Variants in FAM135B observed in about 807,000 individuals in gnomAD.
The protein encoded by FAM135B is protein FAM135B.
FAM135B carries 43 observed loss-of-function variants against 127.7 expected under a neutral mutation model. The observed-to-expected ratio is 0.34, with a 90% CI of 0.26 to 0.43. The LOEUF is 0.43. Ranked by LOEUF, FAM135B falls within the 20% of genes least tolerant of loss-of-function variation. FAM135B has a pLI of 1.00. For missense variants in FAM135B, 1,558 were observed against 1,725.6 expected, an observed-to-expected ratio of 0.90 and a Z score of 1.72; for synonymous variants, 670 against 665.1, an observed-to-expected ratio of 1.01 and a Z score of -0.11.
chr8:138,230,376 A>G (rs1194437280), intron 7 of FAM135B, among the ~76,000 whole-genome samples: 3 of 152,192 alleles, frequency 2.0e-5, no homozygotes, highest in Non-Finnish European at 2.9e-5. Context: ...ACAACCTAAG[A>G]CCTGGACATA....
chr8:138,149,998 A>G (rs918147253), intron 13 of FAM135B, among the ~76,000 whole-genome samples: 4 of 152,232 alleles, frequency 2.6e-5, no homozygotes, highest in Non-Finnish European at 5.9e-5. Flanking sequence ...AACATTCTTT[A>G]TAAAACAAAA....
chr8:138,488,706 C>T (rs540949129), intron 1 of FAM135B, among the ~76,000 whole-genome samples: 367 of 152,240 alleles, frequency 2.4e-3, no homozygotes, highest in African/African-American at 8.4e-3. Context: ...CTCACTCTGT[C>T]GCCAGGCTGG....
chr8:138,159,669 T>C lies in FAM135B; in HGVS notation c.1259-6453A>G, dbSNP rs187786332. On this transcript the variant is annotated intron_variant, in intron 12 of 19. Coordinates refer to ENST00000395297, the MANE Select transcript of FAM135B (RefSeq NM_015912.4). ...ATACCTAATGTAAATGATGACTTAA[T>C]GGGTGCAGCACACCAACATGGCACA... is the stretch of plus-strand genomic sequence containing the variant. 3.5e-3 allele frequency among the ~76,000 whole-genome samples: 538 copies of C among 151,940 alleles called. 2 individuals are homozygous for C. Among genetic ancestry groups the C allele is most frequent in the African/African-American group, 0.012 (487 of 41,456 alleles).
chr8:138,395,787 G>T lies in FAM135B; in HGVS notation c.-19-27785C>A, dbSNP rs1832818653. ...ACAACTTCTCCACTACTTAACAAAG[G>T]TAGGACATTAGGCACATTGTTTAAC... On this transcript the variant is annotated intron_variant, in intron 1 of 19. Transcript: ENST00000395297. 2.0e-5 allele frequency among the ~76,000 whole-genome samples: 3 copies of T among 152,176 alleles called. No individual in the cohort carries two copies. In the South Asian group the frequency reaches 6.2e-4, roughly 31 times the overall value.
intron 12 of FAM135B, among the ~76,000 whole-genome samples, chr8:138,163,862 C>A (rs984715250): frequency 2.0e-5 from 3 of 152,058 alleles, no homozygotes; most frequent in Non-Finnish European, 4.4e-5. Context: ...TCACCTGTCA[C>A]CCAGGCTGGA....
At chr8:138,303,760 G>A (rs1006282024) in intron 3 of FAM135B, among the ~76,000 whole-genome samples, 6 of 152,310 alleles carry the variant, frequency 3.9e-5, no homozygotes, top group South Asian at 4.1e-4. Context: ...GAATCCATGC[G>A]TATGTGGGCT....
intron 3 of FAM135B, among the ~76,000 whole-genome samples, chr8:138,300,157 G>A (rs1448877714): frequency 6.6e-6 from 1 of 151,910 alleles, no homozygotes; most frequent in Non-Finnish European, 1.5e-5. Context: ...GGGGTGTATG[G>A]AATCTCTGTG....
rs546050729 is a variant in FAM135B, at chr8:138,486,966, C to CT, written c.-20+9704dup. Among the ~76,000 whole-genome samples, 234 of 146,520 alleles carry CT rather than the reference C, an allele frequency of 1.6e-3. 2 individuals carry two copies. Among genetic ancestry groups the CT allele is most frequent in the African/African-American group, 5.3e-3 (214 of 40,076 alleles). On this transcript the variant is annotated intron_variant, in intron 1 of 19. Transcript: ENST00000395297. ...GATGAAGGACTTTCAGTTTTCTTTT[C>CT]TTTTTTTTTTTAATTATACTTTAAG...
At position 138,197,689 on chromosome 8, in the gene FAM135B, CAG is replaced by C. The variant is rs1816769508; in HGVS notation, c.670-22_670-21del. ...GCTTCCCTAAGGGGTGAAACAGAAA[CAG>C]AGGCTGAGGAATATTGCACCTGGCC... On this transcript the variant is annotated intron_variant, in intron 7 of 19. Transcript: ENST00000395297. 1 of 1,609,694 alleles carries C rather than the reference CAG, an allele frequency of 6.2e-7. No individual in the cohort carries two copies. The highest frequency in any genetic ancestry group is 1.3e-5 in the African/African-American group (1 of 74,858).
chr8:138,363,194 C>G (rs968092685), intron 2 of FAM135B, among the ~76,000 whole-genome samples: 1 of 152,090 alleles, frequency 6.6e-6, no homozygotes, highest in Admixed American at 6.6e-5. Flanking sequence ...GGTAGTAACT[C>G]CATTAATAGT....
intron 9 of FAM135B, among the ~76,000 whole-genome samples, chr8:138,189,845 G>A (rs1456978167): frequency 6.6e-6 from 1 of 152,314 alleles, no homozygotes; most frequent in East Asian, 1.9e-4. Flanking sequence ...GTCCTAATAA[G>A]ATAAGTCAGC....
intron 1 of FAM135B, among the ~76,000 whole-genome samples, chr8:138,404,826 A>G (rs1276736177): frequency 1.3e-5 from 2 of 152,136 alleles, no homozygotes; most frequent in Non-Finnish European, 2.9e-5. Context: ...TAACACATCT[A>G]CAGTTACTTC....
At position 138,422,161 on chromosome 8, in the gene FAM135B, A is replaced by G. The variant is rs550255074; in HGVS notation, c.-19-54159T>C. On this transcript the variant is annotated intron_variant, in intron 1 of 19. Transcript: ENST00000395297. ...ACTTAAACATAAAACCTGAAATCAT[A>G]AAAACCCTAGAAGAAAACCTAGGAA... Among the ~76,000 whole-genome samples, 30 of 152,278 alleles carry G rather than the reference A, an allele frequency of 2.0e-4. No individual in the cohort carries two copies. In the South Asian group the frequency reaches 6.2e-3, roughly 32 times the overall value.
At chr8:138,353,029 C>T (rs1406350709) in intron 2 of FAM135B, among the ~76,000 whole-genome samples, 1 of 152,176 alleles carries the variant, frequency 6.6e-6, no homozygotes, top group Non-Finnish European at 1.5e-5. Flanking sequence ...CTGCTACAAT[C>T]TGCTCTTCAC....
At chr8:138,269,120 G>A (rs1823171997) in intron 3 of FAM135B, among the ~76,000 whole-genome samples, 1 of 152,044 alleles carries the variant, frequency 6.6e-6, no homozygotes, top group African/African-American at 2.4e-5. Context: ...GATGGCAAGA[G>A]AAAAAAAGAC....
intron 1 of FAM135B, among the ~76,000 whole-genome samples, chr8:138,478,971 A>C (rs1203810588): frequency 6.6e-6 from 1 of 152,182 alleles, no homozygotes; most frequent in Non-Finnish European, 1.5e-5. Flanking sequence ...TGTGCCTCTG[A>C]CTGACCAGCT....
rs1815408652 is a variant in FAM135B at position 138,496,715 on chromosome 8, G to A, written c.-64C>T. 6.5e-6 allele frequency: 1 copy of A among 153,044 alleles called. No individual in the cohort carries two copies. Among genetic ancestry groups the A allele is most frequent in the South Asian group, 2.0e-4 (1 of 4,996 alleles). The allele number at this position is 153,044 out of a possible 1,614,324, so 9.5% of individuals were successfully genotyped here. A position where few individuals can be genotyped will look rare whatever the true frequency, so the allele number is the denominator to read the frequency against. On this transcript the variant is annotated 5_prime_UTR_variant, in exon 1 of 20. Transcript: ENST00000395297. ...CCCCTCTCTCTCCCCCGGGGGCCGC[G>A]CTCCTGGGTCCCTCTCTCTCCTCTT...
At chr8:138,234,870 G>A (rs146777422) in intron 7 of FAM135B, among the ~76,000 whole-genome samples, 19 of 152,292 alleles carry the variant, frequency 1.2e-4, no homozygotes, top group South Asian at 2.1e-4. Flanking sequence ...ATCAGGAGAC[G>A]ATAATGAGGG....
At chr8:138,348,015 G>T (rs894084637) in intron 2 of FAM135B, among the ~76,000 whole-genome samples, 1 of 150,916 alleles carries the variant, frequency 6.6e-6, no homozygotes, top group Non-Finnish European at 1.5e-5. Context: ...TATTTTTACT[G>T]TTGTTATCCC....
Sources: gnomAD v4.1 joint callset for allele counts (sites outside exome capture counted in the v4.1 genomes callset) on GRCh38, gnomAD v4.1.1 for gene constraint, MANE v1.5 for transcripts, NCBI Gene and HGNC (gene_info 2026-07-23, HGNC 2026-07-21) for gene names.